NEK7: variants seen among roughly 807,000 people sequenced by gnomAD.
NEK7 encodes the protein serine/threonine-protein kinase Nek7.
A neutral mutation model predicts 44.6 loss-of-function variants in NEK7; 18 were observed. The ratio of observed to expected loss-of-function variants is 0.40; its 90% CI spans 0.28 to 0.60. The LOEUF (loss-of-function observed/expected upper bound fraction) is 0.60. Among genes scored for constraint, NEK7 ranks in the 20% least tolerant of loss-of-function variants. The pLI, the probability that NEK7 is intolerant of heterozygous loss-of-function variation, is 0.38. For missense variants in NEK7, 256 were observed against 366.5 expected, an observed-to-expected ratio of 0.70 and a Z score of 2.46; for synonymous variants, 130 against 121.1, an observed-to-expected ratio of 1.07 and a Z score of -0.48.
chr1:198,209,458 C>T (rs2102813830), intron 1 of NEK7, among the ~76,000 whole-genome samples: 1 of 152,158 alleles, frequency 6.6e-6, no homozygotes. Flanking sequence ...CCTTATTTGG[C>T]TTATATTTTG....
rs544918846 is a variant in NEK7 at position 198,276,853 on chromosome 1, T to C, written c.373-1108T>C. Among the ~76,000 whole-genome samples the C allele has an allele frequency of 2.0e-5, 3 of 151,768 alleles. No homozygotes were observed. In the East Asian group the frequency reaches 5.8e-4, roughly 29 times the overall value. ...ATATCAGCAGATTTCCTTGTACTGT[T>C]TTTCCATTCAGCCTGCCCTCAGCTG... On this transcript the variant is annotated intron_variant, in intron 5 of 9. Transcript: ENST00000367385.
At chr1:198,282,697 T>C (rs1433729044) in intron 7 of NEK7, among the ~76,000 whole-genome samples, 1 of 152,012 alleles carries the variant, frequency 6.6e-6, no homozygotes, top group Non-Finnish European at 1.5e-5. Flanking sequence ...GTGGTGGTGG[T>C]GAAGTGATGA....
chr1:198,163,300 C>G lies in NEK7; in HGVS notation c.-29+6024C>G, dbSNP rs542217078. On this transcript the variant is annotated intron_variant, in intron 1 of 9. Transcript: ENST00000367385. ...TTGAGACCTGGAGTTCAAGACCAGC[C>G]TGATCAATATAGTGAGACCCTGTCA... Among the ~76,000 whole-genome samples the G allele has an allele frequency of 8.7e-4, 133 of 152,072 alleles. 1 individual carries two copies. The highest frequency in any genetic ancestry group is 3.4e-3 in the Middle Eastern group (1 of 294).
chr1:198,159,509 A>G (rs1355992375), intron 1 of NEK7, among the ~76,000 whole-genome samples: 2 of 152,248 alleles, frequency 1.3e-5, no homozygotes, highest in African/African-American at 4.8e-5. Context: ...GAAAACCACT[A>G]AATGTCAGAA....
rs1491101432 is a variant in NEK7 at position 198,252,568 on chromosome 1, A to ATATATATATATATAT, written c.58-472_58-471insTATATATATATATAT. ...TATATATATATATATATATATATATAAAAAGTACATATATACACATATATA... is the reference window on the plus strand; with the variant it reads ...TATATATATATATATATATATATATATATATATATATATATAAAAGTACATATATACACATATATA... On this transcript the variant is annotated intron_variant, in intron 2 of 9. Transcript: ENST00000367385. Among the ~76,000 whole-genome samples the ATATATATATATATAT allele has an allele frequency of 1.0e-3, 63 of 63,272 alleles. 2 individuals carry two copies. Among genetic ancestry groups the ATATATATATATATAT allele is most frequent in the South Asian group, 2.9e-3 (4 of 1,380 alleles). 41.5% of individuals were successfully genotyped at this position (63,272 alleles called of 152,430 possible).
At chr1:198,309,888 A>G (rs1319890849) in intron 9 of NEK7, among the ~76,000 whole-genome samples, 1 of 152,132 alleles carries the variant, frequency 6.6e-6, no homozygotes, top group Non-Finnish European at 1.5e-5. Context: ...ATTGTGAATA[A>G]TGCCGCAATA....
rs375984495 is a variant in NEK7, at chr1:198,203,986, A to C, written c.-28-28567A>C. On this transcript the variant is annotated intron_variant, in intron 1 of 9. Coordinates refer to ENST00000367385, the MANE Select transcript of NEK7 (RefSeq NM_133494.3). ...TTTAGAGATGAGAGCGGCCAGTTGC[A>C]GGGGCTCATGCCCATATCCCAGCAC... 2.6e-5 allele frequency among the ~76,000 whole-genome samples: 4 copies of C among 152,336 alleles called. No homozygotes were observed. The East Asian group carries it at 7.7e-4, about 29-fold the overall frequency.
chr1:198,215,637 G>A (rs941811977), intron 1 of NEK7, among the ~76,000 whole-genome samples: 4 of 152,012 alleles, frequency 2.6e-5, no homozygotes, highest in African/African-American at 9.7e-5. Context: ...AATATCAAAA[G>A]CCAAATAAGT....
chr1:198,214,151 C>T (rs6428441), intron 1 of NEK7, among the ~76,000 whole-genome samples: 20,921 of 152,018 alleles, frequency 0.14, 2,097 homozygotes, highest in East Asian at 0.57. Flanking sequence ...AATAAAGTCA[C>T]ATCCTCAAGG....
chr1:198,203,546 T>G (rs1665500953), intron 1 of NEK7, among the ~76,000 whole-genome samples: 1 of 152,232 alleles, frequency 6.6e-6, no homozygotes, highest in Non-Finnish European at 1.5e-5. Context: ...CGGACATTGG[T>G]ATCTATTCCA....
At chr1:198,279,603 G>A (rs769532833) in intron 7 of NEK7, among the ~76,000 whole-genome samples, 6 of 151,782 alleles carry the variant, frequency 4.0e-5, no homozygotes, top group South Asian at 2.1e-4. Context: ...AGATCAAATG[G>A]TGACAATCAG....
intron 5 of NEK7, among the ~76,000 whole-genome samples, chr1:198,266,133 TTTTA>T (rs1653644442): frequency 6.6e-6 from 1 of 152,118 alleles, no homozygotes; most frequent in African/African-American, 2.4e-5. Flanking sequence ...TCACGATTTA[TTTTA>T]TTACTTTGTT....
Position 198,320,613 on chromosome 1 carries a change from T to G in NEK7, c.*1091T>G, listed in dbSNP as rs1655506090. 6.6e-6 allele frequency: 1 copy of G among 152,120 alleles called. No individual in the cohort carries two copies. Among genetic ancestry groups the G allele is most frequent in the Admixed American group, 6.6e-5 (1 of 15,266 alleles). 9.4% of individuals were successfully genotyped at this position (152,120 alleles called of 1,614,324 possible). A position where few individuals can be genotyped will look rare whatever the true frequency, so the allele number is the denominator to read the frequency against. Reference sequence around the variant, plus strand: ...CAATACTTTTCCTGGATTGAAAACTTTTTTTAAACTTTTTAAAATTTGGGC... The same window carrying G: ...CAATACTTTTCCTGGATTGAAAACTGTTTTTAAACTTTTTAAAATTTGGGC... On this transcript the variant is annotated 3_prime_UTR_variant, in exon 10 of 10. Transcript: ENST00000367385.
At chr1:198,197,712 A>G in intron 1 of NEK7, 1 of 526,992 alleles carries the variant, frequency 1.9e-6, no homozygotes, top group Non-Finnish European at 3.5e-6. Context: ...CTGGTACAAT[A>G]TGGCATCTGA....
intron 9 of NEK7, among the ~76,000 whole-genome samples, chr1:198,310,887 G>C (rs1208080599): frequency 1.3e-5 from 2 of 150,892 alleles, no homozygotes; most frequent in Admixed American, 1.3e-4. Context: ...CTCCAGCTTT[G>C]TTCTTTTCGC....
At chr1:198,229,344 A>G (rs12074266) in intron 1 of NEK7, among the ~76,000 whole-genome samples, 4,332 of 152,148 alleles carry the variant, frequency 0.028, 198 homozygotes, top group African/African-American at 0.099. Flanking sequence ...GCTTTGTAAT[A>G]TTCTTTATAA....
At chr1:198,313,567 G>T (rs1177152626) in intron 9 of NEK7, among the ~76,000 whole-genome samples, 1 of 136,500 alleles carries the variant, frequency 7.3e-6, no homozygotes, top group Admixed American at 7.6e-5. Flanking sequence ...TGATTTTGCA[G>T]TGGCTGGTAC....
In NEK7 at chr1:198,321,120, T is replaced by C. The variant is rs981742230; in HGVS notation, c.*1598T>C. On this transcript the variant is annotated 3_prime_UTR_variant, in exon 10 of 10. Transcript: ENST00000367385. ...TTAGCCGATGTAACTGCTGGTTTTGTTTTTCATATGTGTTTTTCTTACACT... is the reference window on the plus strand; with the variant it reads ...TTAGCCGATGTAACTGCTGGTTTTGCTTTTCATATGTGTTTTTCTTACACT... 1.3e-5 allele frequency: 2 copies of C among 152,204 alleles called. No individual in the cohort carries two copies. Among genetic ancestry groups the C allele is most frequent in the African/African-American group, 2.4e-5 (1 of 41,446 alleles). The allele number at this position is 152,204 out of a possible 1,614,324, so 9.4% of individuals were successfully genotyped here. A position where few individuals can be genotyped will look rare whatever the true frequency, so the allele number is the denominator to read the frequency against.
At chr1:198,209,294 A>G (rs1186862738) in intron 1 of NEK7, among the ~76,000 whole-genome samples, 1 of 152,040 alleles carries the variant, frequency 6.6e-6, no homozygotes, top group Non-Finnish European at 1.5e-5. Flanking sequence ...AACAGTGTTA[A>G]GACAATTTGT....
Sources: gnomAD v4.1 joint callset for allele counts (sites outside exome capture counted in the v4.1 genomes callset) on GRCh38, gnomAD v4.1.1 for gene constraint, MANE v1.5 for transcripts, NCBI Gene and HGNC (gene_info 2026-07-23, HGNC 2026-07-21) for gene names.